EVA1C: variants seen among roughly 807,000 people sequenced by gnomAD.
EVA1C encodes the protein protein eva-1 homolog C.
In EVA1C, 25 loss-of-function variants were observed where a neutral mutation model predicts 45.4. That is an observed-to-expected ratio of 0.55 (90% CI 0.40 to 0.77). EVA1C has a LOEUF of 0.77. Ranked by LOEUF, EVA1C falls within the 30% of genes least tolerant of loss-of-function variation. EVA1C has a pLI of 0.00. For missense variants in EVA1C, 479 were observed against 554.8 expected (o/e 0.86, Z 1.37); for synonymous variants, 190 against 221.2 (o/e 0.86, Z 1.25).
chr21:32,461,659 C>T (rs190957778), intron 3 of EVA1C, among the ~76,000 whole-genome samples: 101 of 152,304 alleles, frequency 6.6e-4, no homozygotes, highest in East Asian at 5.2e-3. Context: ...GCATCTGCCA[C>T]GGTGGGAGTA....
At chr21:32,478,891 A>C (rs1438257860) in intron 4 of EVA1C, among the ~76,000 whole-genome samples, 1 of 152,234 alleles carries the variant, frequency 6.6e-6, no homozygotes, top group Non-Finnish European at 1.5e-5. Flanking sequence ...GGCTAAGGCC[A>C]CTCCGAGGCC....
At chr21:32,453,237 C>T (rs188302566) in intron 1 of EVA1C, 75 bp from the exon 2 acceptor site, 15 of 1,089,518 alleles carry the variant, frequency 1.4e-5, no homozygotes, top group African/African-American at 9.3e-5. Context: ...GGGGAACCAA[C>T]GTCCTCCTGT....
chr21:32,502,016 CTTT>C, intron 6 of EVA1C, among the ~76,000 whole-genome samples: 1 of 135,950 alleles, frequency 7.4e-6, no homozygotes, highest in African/African-American at 3.0e-5. Context: ...TTCTTTCTTT[CTTT>C]CTTTCTTTCT....
At chr21:32,413,040 C>T (rs768328068) in intron 1 of EVA1C, 27 bp downstream of exon 1, 1 of 1,352,214 alleles carries the variant, frequency 7.4e-7, no homozygotes, top group East Asian at 3.0e-5. Flanking sequence ...TGGCTGTGTG[C>T]CCCCGGCACC....
At chr21:32,457,158 T>C (rs1320592710) in intron 2 of EVA1C, among the ~76,000 whole-genome samples, 1 of 152,078 alleles carries the variant, frequency 6.6e-6, no homozygotes, top group Non-Finnish European at 1.5e-5. Flanking sequence ...GTGGGGCTAT[T>C]TAAGGATGAA....
chr21:32,466,503 T>C (rs201034580), intron 3 of EVA1C, among the ~76,000 whole-genome samples: 30 of 109,234 alleles, frequency 2.7e-4, no homozygotes, highest in Non-Finnish European at 4.6e-4. Flanking sequence ...AAAAAAAAAA[T>C]AAACTGTGTT....
chr21:32,481,286 T>C (rs948544503), intron 4 of EVA1C, among the ~76,000 whole-genome samples: 2 of 152,198 alleles, frequency 1.3e-5, no homozygotes, highest in African/African-American at 2.4e-5. Context: ...TTCCATTCTA[T>C]GTTCTTTTGA....
At chr21:32,412,577 C>T, upstream of EVA1C, 1 of 356,854 alleles carries the variant, frequency 2.8e-6, no homozygotes, top group Non-Finnish European at 5.0e-6. Context: ...CCCCTCGCTT[C>T]CTCCGGCACG....
intron 6 of EVA1C, among the ~76,000 whole-genome samples, 192 bp from the exon 7 acceptor site, chr21:32,503,734 G>A (rs186185240): frequency 1.2e-3 from 179 of 152,064 alleles, no homozygotes; most frequent in African/African-American, 4.1e-3. Flanking sequence ...TAATATTGTC[G>A]GGGACTGCTT....
intron 4 of EVA1C, among the ~76,000 whole-genome samples, chr21:32,468,991 AAGGGC>A (rs1291288579): frequency 6.6e-6 from 1 of 152,196 alleles, no homozygotes; most frequent in Non-Finnish European, 1.5e-5. Flanking sequence ...AGGGAAAGTC[AAGGGC>A]AGGGAGGAAC....
At chr21:32,415,284 A>G (rs1180992619) in intron 1 of EVA1C, among the ~76,000 whole-genome samples, 2 of 152,176 alleles carry the variant, frequency 1.3e-5, no homozygotes, top group Non-Finnish European at 2.9e-5. Context: ...AGTGTTTGAC[A>G]ATGCAGATAC....
At chr21:32,500,537 G>A (rs925567644) in intron 5 of EVA1C, among the ~76,000 whole-genome samples, 1 of 152,052 alleles carries the variant, frequency 6.6e-6, no homozygotes, top group Non-Finnish European at 1.5e-5. Context: ...TAAATTTAGA[G>A]TTGTGCAACC....
At chr21:32,507,463 T>C (rs184182161) in intron 7 of EVA1C, among the ~76,000 whole-genome samples, 103 of 152,064 alleles carry the variant, frequency 6.8e-4, no homozygotes, top group South Asian at 2.9e-3. Context: ...TGTGCGTGTG[T>C]GCATGTGTGC....
intron 1 of EVA1C, among the ~76,000 whole-genome samples, chr21:32,426,005 G>A (rs896976117): frequency 1.3e-5 from 2 of 151,960 alleles, no homozygotes; most frequent in African/African-American, 4.8e-5. Flanking sequence ...TCCCTAGACA[G>A]CTCTGAAAGA....
intron 1 of EVA1C, among the ~76,000 whole-genome samples, chr21:32,416,211 T>C (rs1018590557): frequency 6.6e-6 from 1 of 151,878 alleles, no homozygotes; most frequent in African/African-American, 2.4e-5. Flanking sequence ...CTGTTTTGTG[T>C]GTGTGTGTGT....
rs373572393 is a variant in EVA1C, at chr21:32,474,510, G to A, written c.634+6662G>A. 7.8e-4 allele frequency among the ~76,000 whole-genome samples: 119 copies of A among 152,290 alleles called. No individual in the cohort carries two copies. Among genetic ancestry groups the A allele is most frequent in the African/African-American group, 2.1e-3 (89 of 41,566 alleles). ...CAGGCACCGGCCAGCATGGCACCTC[G>A]TCCCTGCAGTCCCTCTCTGGCGACC... is the stretch of plus-strand genomic sequence containing the variant. On this transcript the variant is annotated intron_variant, in intron 4 of 7. Coordinates refer to ENST00000300255, the MANE Select transcript of EVA1C (RefSeq NM_058187.5). The surrounding 1 kb of genome is among the most constrained non-coding windows in gnomAD (Gnocchi z 4.4).
Position 32,460,017 on chromosome 21 carries a change from T to C in EVA1C, c.481+2297T>C, listed in dbSNP as rs115561701. The stretch of plus-strand genomic sequence containing the variant: ...GAGAAGTCAAATGACCTTTGTAAAA[T>C]TGACCGAACCTCGGATAAGTCAGTG... On this transcript the variant is annotated intron_variant, in intron 3 of 7. Transcript: ENST00000300255. Among the ~76,000 whole-genome samples the C allele has an allele frequency of 9.2e-3, 1,407 of 152,294 alleles. 33 individuals are homozygous for C. The highest frequency in any genetic ancestry group is 0.032 in the African/African-American group (1,348 of 41,526).
rs2035836960 is a variant in EVA1C, at chr21:32,457,650, C to CAT, written c.411_412insAT (p.Arg138IlefsTer27). On this transcript the variant is annotated frameshift_variant, in exon 3 of 8. Coordinates refer to ENST00000300255, the MANE Select transcript of EVA1C (RefSeq NM_058187.5). LOFTEE classifies it high-confidence loss of function. The stretch of plus-strand genomic sequence containing the variant: ...GGGCCTGCCACCTCCTGGTCAATAG[C>CAT]CGTGTTTTTGGACCTGACCTTTGTC... The CAT allele has an allele frequency of 1.2e-6, 2 of 1,613,980 alleles. No individual in the cohort carries two copies. Among genetic ancestry groups the CAT allele is most frequent in the Non-Finnish European group, 1.7e-6 (2 of 1,179,992 alleles).
At position 32,514,965 on chromosome 21, in the gene EVA1C, G is replaced by A. The variant is rs1350400177; in HGVS notation, c.1101G>A (p.Lys367=). Residue 367 remains lysine, a synonymous_variant, in exon 8 of 8, where the codon AAG becomes AAA. Coordinates refer to ENST00000300255, the MANE Select transcript of EVA1C (RefSeq NM_058187.5). Reference sequence around the variant, plus strand: ...AGCAGCTGGTGCCAGGAAGTGACAAGGTCGAGGAGGACAGCGAGGATGAAG... The same window carrying A: ...AGCAGCTGGTGCCAGGAAGTGACAAAGTCGAGGAGGACAGCGAGGATGAAG... ...GREQLVPGSD[K]VEEDSEDEEE... is the part of the protein sequence containing the mutation. 2 of 1,614,174 alleles carry A rather than the reference G, an allele frequency of 1.2e-6. No individual in the cohort carries two copies. The highest frequency in any genetic ancestry group is 1.7e-4 in the Middle Eastern group (1 of 6,054).
Sources: gnomAD v4.1 joint callset for allele counts (sites outside exome capture counted in the v4.1 genomes callset) on GRCh38, gnomAD v4.1.1 for gene constraint, Gnocchi (gnomAD v3.1) non-coding constraint, MANE v1.5 for transcripts, NCBI Gene and HGNC (gene_info 2026-07-23, HGNC 2026-07-21) for gene names.